The following RPL7A variants were observed in gnomAD, a reference collection of about 807,000 sequenced individuals.
RPL7A encodes the protein large ribosomal subunit protein eL8.
For missense variants in RPL7A, 291 were observed against 338.2 expected, an observed-to-expected ratio of 0.86 and a Z score of 1.09; for synonymous variants, 158 against 128.2, an observed-to-expected ratio of 1.23 and a Z score of -1.57.
In RPL7A at chr9:133,350,253, C is replaced by T; in HGVS notation, c.429C>T (p.Val143=). The change falls in exon 5 of 8, where the codon GTC becomes GTT. Residue 143 remains valine (V), a synonymous_variant. Transcript: ENST00000323345. ...PPVLRAGVNT[V]TTLVENKKAQ... is the part of the protein sequence containing the mutation. ...TGTGTGTTCTAGGAGTTAACACCGT[C>T]ACCACCTTGGTGGAGAACAAGAAAG... 6.2e-7 allele frequency: 1 copy of T among 1,613,920 alleles called. No individual in the cohort carries two copies. The highest frequency in any genetic ancestry group is 8.5e-7 in the Non-Finnish European group (1 of 1,180,028).
At chr9:133,350,369 AAGAG>A in intron 5 of RPL7A, 50 bp downstream of exon 5, 4 of 1,601,354 alleles carry the variant, frequency 2.5e-6, no homozygotes, top group East Asian at 2.2e-5. Flanking sequence ...CAGTACCAGG[AAGAG>A]AGAGTAGACC....
chr9:133,349,658 C>T lies in RPL7A; in HGVS notation c.232C>T (p.Pro78Ser), dbSNP rs1836326727. ...AILYKRLKVP[P>S]AINQFTQALD... Reference sequence around the variant, plus strand: ...CCTCTATAAGCGGCTGAAAGTGCCTCCTGCGATTAACCAGTTCACCCAGGC... The same window carrying T: ...CCTCTATAAGCGGCTGAAAGTGCCTTCTGCGATTAACCAGTTCACCCAGGC... The change falls in exon 3 of 8, where the codon CCT (proline) becomes TCT (serine). Residue 78 changes from proline (P) to serine (S), a missense_variant. Coordinates refer to ENST00000323345, the MANE Select transcript of RPL7A (RefSeq NM_000972.3). 4 of 1,614,070 alleles carry T rather than the reference C, an allele frequency of 2.5e-6. No homozygotes were observed. The highest frequency in any genetic ancestry group is 3.4e-6 in the Non-Finnish European group (4 of 1,180,018).
intron 7 of RPL7A, 26 bp from the exon 8 acceptor site, chr9:133,351,236 C>T: frequency 1.2e-6 from 2 of 1,603,488 alleles, no homozygotes; most frequent in Non-Finnish European, 1.7e-6. Flanking sequence ...GTAAGCCAAG[C>T]TAACTGCCTC....
chr9:133,350,299 C>T lies in RPL7A; in HGVS notation c.475C>T (p.His159Tyr). The T allele has an allele frequency of 1.9e-6, 3 of 1,614,044 alleles. No individual in the cohort carries two copies. Among genetic ancestry groups the T allele is most frequent in the South Asian group, 2.2e-5 (2 of 91,068 alleles). Residue 159 changes from histidine to tyrosine, a missense_variant, in exon 5 of 8, where the codon CAC becomes TAC. His to Tyr is a moderately conservative substitution (Grantham distance 83). Coordinates refer to ENST00000323345, the MANE Select transcript of RPL7A (RefSeq NM_000972.3). ...NKKAQLVVIA[H>Y]DVDPIELVVF... is the part of the protein sequence containing the mutation. ...GAAAGCTCAGCTGGTGGTGATTGCA[C>T]ACGACGTGGATCCCATCGAGGTGCG...
Position 133,348,224 on chromosome 9 carries a change from C to G in RPL7A, c.-20C>G, listed in dbSNP as rs2129976878. 1.2e-6 allele frequency: 2 copies of G among 1,614,062 alleles called. No homozygotes were observed. Among genetic ancestry groups the G allele is most frequent in the East Asian group, 2.2e-5 (1 of 44,842 alleles). On this transcript the variant is annotated 5_prime_UTR_variant, in exon 1 of 8. Coordinates refer to ENST00000323345, the MANE Select transcript of RPL7A (RefSeq NM_000972.3). ...TTACCCACAATTCCCTTTCCTTTCTCTCTCCTCCCGCCGCCCAAGATGGTG... is the reference window on the plus strand; with the variant it reads ...TTACCCACAATTCCCTTTCCTTTCTGTCTCCTCCCGCCGCCCAAGATGGTG...
At chr9:133,350,777 GC>G in intron 6 of RPL7A, 50 bp downstream of exon 6, 1 of 1,606,258 alleles carries the variant, frequency 6.2e-7, no homozygotes, top group Non-Finnish European at 8.5e-7. Flanking sequence ...TTTAATCCAT[GC>G]CTCACAGTTG....
At chr9:133,349,811 T>A in intron 3 of RPL7A, 101 bp from the exon 4 acceptor site, 1 of 1,579,462 alleles carries the variant, frequency 6.3e-7, no homozygotes, top group Non-Finnish European at 8.6e-7. Context: ...CATTAAATTA[T>A]AGTCATATAG....
In RPL7A at chr9:133,350,001, G is replaced by A. The variant is rs987280389; in HGVS notation, c.364G>A (p.Ala122Thr). The A allele has an allele frequency of 1.2e-6, 2 of 1,612,892 alleles. No homozygotes were observed. Among genetic ancestry groups the A allele is most frequent in the African/African-American group, 1.3e-5 (1 of 74,906 alleles). ...QRLLARAEKK[A>T]AGKGDVPTKR... is the part of the protein sequence containing the mutation. Reference sequence around the variant, plus strand: ...ACTGTTGGCCCGGGCCGAGAAGAAGGCTGCTGGCAAAGGGGACGTCCCAAC... The same window carrying A: ...ACTGTTGGCCCGGGCCGAGAAGAAGACTGCTGGCAAAGGGGACGTCCCAAC... Residue 122 changes from alanine to threonine, a missense_variant, in exon 4 of 8, where the codon GCT (alanine) becomes ACT (threonine). Transcript: ENST00000323345.
Position 133,351,066 on chromosome 9 carries a change from G to T in RPL7A, c.691G>T (p.Asp231Tyr). The T allele has an allele frequency of 6.2e-7, 1 of 1,613,808 alleles. No homozygotes were observed. Among genetic ancestry groups the T allele is most frequent in the Non-Finnish European group, 8.5e-7 (1 of 1,179,866 alleles). Residue 231 changes from aspartate to tyrosine, a missense_variant, in exon 7 of 8, where the codon GAT (aspartate) becomes TAT (tyrosine). Coordinates refer to ENST00000323345, the MANE Select transcript of RPL7A (RefSeq NM_000972.3). ...AIRTNYNDRY[D>Y]EIRRHWGGNV... ...CAGGACCAATTACAATGACAGATAC[G>T]ATGAGGTAAGAGGCAGCTTTACACC...
At chr9:133,350,950 A>C (rs2129997129) in intron 6 of RPL7A, 52 bp from the exon 7 acceptor site, 134 of 1,592,548 alleles carry the variant, frequency 8.4e-5, no homozygotes, top group Middle Eastern at 1.7e-4. Flanking sequence ...TTGCATTCTA[A>C]AAGGGAAACT....
intron 1 of RPL7A, 183 bp downstream of exon 1, chr9:133,348,429 G>T: frequency 1.2e-6 from 1 of 839,504 alleles, no homozygotes; most frequent in Non-Finnish European, 1.9e-6. Context: ...GAGACATTGA[G>T]ATGGACTAGA....
Position 133,349,897 on chromosome 9 carries a change from A to G in RPL7A, c.275-15A>G, listed in dbSNP as rs1296595690. 1.2e-6 allele frequency: 2 copies of G among 1,610,770 alleles called. No individual in the cohort carries two copies. The highest frequency in any genetic ancestry group is 1.7e-6 in the Non-Finnish European group (2 of 1,179,680). On this transcript the variant is annotated splice_polypyrimidine_tract_variant and intron_variant, in intron 3 of 7. Transcript: ENST00000323345. Reference sequence around the variant, plus strand: ...AACCTTGACTCCAAGCCTAAACTGAAGAGTGTTTTTCCAGCTACTCAGCTG... The same window carrying G: ...AACCTTGACTCCAAGCCTAAACTGAGGAGTGTTTTTCCAGCTACTCAGCTG...
rs1029869490 is a variant in RPL7A at position 133,349,140 on chromosome 9, A to G, written c.124+98A>G. ...ATCTTGTAGGTTTTAGTGGGTGTAA[A>G]GTGGTCGCAGTCCTTAATTTGTGTC... On this transcript the variant is annotated intron_variant, in intron 2 of 7. Coordinates refer to ENST00000323345, the MANE Select transcript of RPL7A (RefSeq NM_000972.3). 3 of 1,397,836 alleles carry G rather than the reference A, an allele frequency of 2.1e-6. No homozygotes were observed. In the African/African-American group the frequency reaches 4.3e-5, roughly 20 times the overall value. 86.6% of individuals were successfully genotyped at this position (1,397,836 alleles called of 1,614,324 possible).
chr9:133,348,380 G>A, intron 1 of RPL7A, 134 bp downstream of exon 1: 7 of 1,262,222 alleles, frequency 5.5e-6, no homozygotes, highest in Non-Finnish European at 6.9e-6. Context: ...GTGGCACGGA[G>A]ACACCGAGGT....
At chr9:133,348,495 C>T (rs1428191907) in intron 1 of RPL7A, 2 of 615,972 alleles carry the variant, frequency 3.2e-6, no homozygotes, top group Non-Finnish European at 5.7e-6. Flanking sequence ...GGCTGGGTGT[C>T]GCAGGCCTGG....
At chr9:133,350,088 C>T (rs2129991202) in intron 4 of RPL7A, 36 bp downstream of exon 4, 7 of 1,613,718 alleles carry the variant, frequency 4.3e-6, no homozygotes, top group Admixed American at 1.7e-5. Flanking sequence ...ACACTGGGGG[C>T]GGGCTGTTGC....
At chr9:133,350,442 C>G in intron 5 of RPL7A, 123 bp downstream of exon 5, 1 of 1,488,774 alleles carries the variant, frequency 6.7e-7, no homozygotes, top group Middle Eastern at 1.7e-4. Context: ...ACAGATCCAA[C>G]ACATGCGTGG....
At position 133,351,337 on chromosome 9, in the gene RPL7A, G is replaced by T; in HGVS notation, c.772G>T (p.Ala258Ser). The T allele has an allele frequency of 6.2e-7, 1 of 1,612,454 alleles. No homozygotes were observed. The change falls in exon 8 of 8, where the codon GCT becomes TCT. Residue 258 changes from alanine (A) to serine (S), a missense_variant. Physicochemically the swap from Ala to Ser is moderately conservative, Grantham distance 99. Transcript: ENST00000323345. ...ARIAKLEKAK[A>S]KELATKLG is the part of the protein sequence containing the mutation. ...TATCGCCAAGCTCGAAAAGGCAAAG[G>T]CTAAAGAACTTGCCACTAAACTGGG...
At position 133,351,334 on chromosome 9, in the gene RPL7A, A is replaced by C. The variant is rs2129999569; in HGVS notation, c.769A>C (p.Lys257Gln). ...VARIAKLEKA[K>Q]AKELATKLG ...TCGTATCGCCAAGCTCGAAAAGGCA[A>C]AGGCTAAAGAACTTGCCACTAAACT... Residue 257 changes from lysine (K) to glutamine (Q), a missense_variant, in exon 8 of 8, where the codon AAG becomes CAG. Transcript: ENST00000323345. 6.2e-7 allele frequency: 1 copy of C among 1,613,194 alleles called. No homozygotes were observed. Among genetic ancestry groups the C allele is most frequent in the African/African-American group, 1.3e-5 (1 of 75,042 alleles).
Sources: allele counts gnomAD v4.1 joint callset, GRCh38; gene constraint gnomAD v4.1.1; transcripts MANE v1.5; gene names NCBI Gene and HGNC (gene_info 2026-07-23, HGNC 2026-07-21).